SPTLC1: variants seen among roughly 807,000 people sequenced by gnomAD.
The protein encoded by SPTLC1 is serine palmitoyltransferase 1.
A neutral mutation model predicts 68.9 loss-of-function variants in SPTLC1; 55 were observed. The observed-to-expected ratio is 0.80, with a 90% CI of 0.64 to 1.00. The LOEUF (loss-of-function observed/expected upper bound fraction) is 1.00, where lower values mean the gene tolerates loss of function less well. Ranked by LOEUF, SPTLC1 falls within the 50% of genes least tolerant of loss-of-function variation. The pLI, the probability that SPTLC1 is intolerant of heterozygous loss-of-function variation, is 0.00. For synonymous variants in SPTLC1, 197 were observed against 201.6 expected, an observed-to-expected ratio of 0.98 and a Z score of 0.19; for missense variants, 449 against 573.1, an observed-to-expected ratio of 0.78 and a Z score of 2.21.
In SPTLC1 at chr9:92,096,135, A is replaced by G. The variant is rs540830873; in HGVS notation, c.260+12605T>C. On this transcript the variant is annotated intron_variant, in intron 3 of 14. Coordinates refer to ENST00000262554, the MANE Select transcript of SPTLC1 (RefSeq NM_006415.4). ...CCCAAATGGTGGAAAGCAGCTTTTT[A>G]CCTGCAAAGTAATAGACTAGAGGAC... is the stretch of plus-strand genomic sequence containing the variant. Among the ~76,000 whole-genome samples, 38 of 152,334 alleles carry G rather than the reference A, an allele frequency of 2.5e-4. 1 individual carries two copies. The highest frequency in any genetic ancestry group is 3.9e-4 in the Admixed American group (6 of 15,312).
At chr9:92,050,162 A>T in intron 8 of SPTLC1, 95 bp from the exon 9 acceptor site, 1 of 789,922 alleles carries the variant, frequency 1.3e-6, no homozygotes, top group Admixed American at 2.0e-5. Context: ...TGTACAGCTG[A>T]CTCTCAATAC....
At chr9:92,060,080 C>T (rs1834033662) in intron 6 of SPTLC1, among the ~76,000 whole-genome samples, 1 of 152,148 alleles carries the variant, frequency 6.6e-6, no homozygotes, top group Non-Finnish European at 1.5e-5. Context: ...GGACTATTAG[C>T]ATCACCCAGC....
In SPTLC1 at chr9:92,081,748, G is replaced by T. The variant is rs548267154; in HGVS notation, c.261-785C>A. On this transcript the variant is annotated intron_variant, in intron 3 of 14. Transcript: ENST00000262554. ...CAGTAAAACAAAATAGAACGGAAAA[G>T]AAAATATCAGAACCATGGCACAGGG... Among the ~76,000 whole-genome samples the T allele has an allele frequency of 3.9e-5, 6 of 152,316 alleles. No individual in the cohort carries two copies. In the East Asian group the frequency reaches 1.2e-3, roughly 29 times the overall value.
chr9:92,045,883 G>T, intron 12 of SPTLC1, 116 bp downstream of exon 12: 2 of 886,850 alleles, frequency 2.3e-6, no homozygotes, highest in Non-Finnish European at 3.6e-6. Flanking sequence ...TAAGTTTTTG[G>T]TTTCTTAGCT....
chr9:92,074,738 A>G (rs1000609657), intron 5 of SPTLC1, among the ~76,000 whole-genome samples: 1 of 152,120 alleles, frequency 6.6e-6, no homozygotes, highest in Non-Finnish European at 1.5e-5. Flanking sequence ...TAAATCCTAC[A>G]GGCTAGTCCA....
chr9:92,056,793 TA>T (rs143875368), intron 7 of SPTLC1, among the ~76,000 whole-genome samples: 1 of 150,968 alleles, frequency 6.6e-6, no homozygotes, highest in Non-Finnish European at 1.5e-5. Flanking sequence ...GCAGTAGCAC[TA>T]AAAAAAAAGT....
chr9:92,067,849 T>C, intron 6 of SPTLC1, 117 bp downstream of exon 6: 1 of 1,309,032 alleles, frequency 7.6e-7, no homozygotes, highest in Non-Finnish European at 1.1e-6. Context: ...GACTATTTCT[T>C]GAAAAACAAA....
At chr9:92,074,997 C>T (rs1834630038) in intron 5 of SPTLC1, among the ~76,000 whole-genome samples, 1 of 152,110 alleles carries the variant, frequency 6.6e-6, no homozygotes, top group Admixed American at 6.5e-5. Flanking sequence ...AGAGACAGCC[C>T]ACACTACTTT....
intron 3 of SPTLC1, among the ~76,000 whole-genome samples, chr9:92,095,632 T>C (rs1000808959): frequency 3.3e-5 from 5 of 152,154 alleles, no homozygotes; most frequent in African/African-American, 1.2e-4. Flanking sequence ...AAAAAACACC[T>C]CAACCCTTGA....
At chr9:92,105,501 G>A in intron 3 of SPTLC1, 1 of 679,434 alleles carries the variant, frequency 1.5e-6, no homozygotes, top group Non-Finnish European at 2.4e-6. Flanking sequence ...TCAAGAGATT[G>A]AGACCTGAGG....
chr9:92,056,227 A>G (rs1415478989), intron 7 of SPTLC1, among the ~76,000 whole-genome samples: 1 of 152,050 alleles, frequency 6.6e-6, no homozygotes, highest in African/African-American at 2.4e-5. Context: ...GGTGGGGTAG[A>G]GAGGTCTCCT....
intron 6 of SPTLC1, 45 bp from the exon 7 acceptor site, chr9:92,059,353 T>A: frequency 6.2e-7 from 1 of 1,608,872 alleles, no homozygotes; most frequent in Non-Finnish European, 8.5e-7. Flanking sequence ...AAGGGTCTTG[T>A]CAACATTCTC....
chr9:92,049,606 T>C (rs1479213766), intron 9 of SPTLC1, among the ~76,000 whole-genome samples: 3 of 152,192 alleles, frequency 2.0e-5, no homozygotes, highest in Non-Finnish European at 4.4e-5. Context: ...CCGTCATGAA[T>C]ACTTCTGAAA....
chr9:92,071,078 A>G (rs1834464517), intron 5 of SPTLC1, among the ~76,000 whole-genome samples: 1 of 150,804 alleles, frequency 6.6e-6, no homozygotes, highest in African/African-American at 2.4e-5. Flanking sequence ...TTGCATACAT[A>G]CTGTCCTTAA....
At chr9:92,054,415 A>T (rs1474614236) in intron 8 of SPTLC1, among the ~76,000 whole-genome samples, 1 of 152,234 alleles carries the variant, frequency 6.6e-6, no homozygotes. Context: ...ATGGGTACTC[A>T]CTACCAAGAG....
At chr9:92,113,769 C>T (rs961433601) in intron 1 of SPTLC1, among the ~76,000 whole-genome samples, 13 of 152,234 alleles carry the variant, frequency 8.5e-5, no homozygotes, top group South Asian at 4.1e-4. Flanking sequence ...CAATGGAAGA[C>T]ACTGTCATTA....
At chr9:92,098,888 G>A (rs983327804) in intron 3 of SPTLC1, among the ~76,000 whole-genome samples, 1 of 146,606 alleles carries the variant, frequency 6.8e-6, no homozygotes, top group African/African-American at 2.7e-5. Flanking sequence ...TGGAGCAGGA[G>A]AAAGAACAAA....
intron 3 of SPTLC1, among the ~76,000 whole-genome samples, chr9:92,096,057 G>A (rs1434805815): frequency 6.6e-6 from 1 of 152,196 alleles, no homozygotes; most frequent in East Asian, 1.9e-4. Context: ...AAAATTAGGT[G>A]TGAGTTACAT....
At chr9:92,089,772 A>G (rs2118734272) in intron 3 of SPTLC1, among the ~76,000 whole-genome samples, 1 of 152,354 alleles carries the variant, frequency 6.6e-6, no homozygotes, top group Non-Finnish European at 1.5e-5. Flanking sequence ...CCCAAGTAGG[A>G]TAAATATGAA....
Sources: gnomAD v4.1 joint callset for allele counts (sites outside exome capture counted in the v4.1 genomes callset) on GRCh38, gnomAD v4.1.1 for gene constraint, MANE v1.5 for transcripts, NCBI Gene and HGNC (gene_info 2026-07-23, HGNC 2026-07-21) for gene names.